Variants in RANBP2 observed in about 807,000 individuals in gnomAD.
The protein encoded by RANBP2 is RAN binding protein 2, also known as E3 SUMO-protein ligase RanBP2.
RANBP2 carries 57 observed loss-of-function variants against 303.6 expected under a neutral mutation model. The ratio of observed to expected loss-of-function variants is 0.19; its 90% CI spans 0.15 to 0.23. The LOEUF (loss-of-function observed/expected upper bound fraction) is 0.23. Among genes scored for constraint, RANBP2 ranks in the 10% least tolerant of loss-of-function variants. The probability of loss-of-function intolerance (pLI) is 1.00; values close to 1 mark genes in which losing one functional copy is unlikely to be tolerated. For missense variants in RANBP2, 3,138 were observed against 3,780.8 expected, an observed-to-expected ratio of 0.83 and a Z score of 4.46; for synonymous variants, 1,167 against 1,301.5, an observed-to-expected ratio of 0.90 and a Z score of 2.23.
At chr2:108,977,951 C>T in the RANBP2 span, among the ~76,000 whole-genome samples, 1 of 152,246 alleles carries the variant, frequency 6.6e-6, no homozygotes, top group Non-Finnish European at 1.5e-5. Flanking sequence ...GATCTATGGA[C>T]TCTGTGGATG....
the RANBP2 span, among the ~76,000 whole-genome samples, chr2:108,869,748 G>A: frequency 6.6e-6 from 1 of 152,108 alleles, no homozygotes; most frequent in Non-Finnish European, 1.5e-5. Flanking sequence ...GACAAGACCT[G>A]AGATGACCTT....
At chr2:109,313,791 G>T in the RANBP2 span, among the ~76,000 whole-genome samples, 2 of 152,256 alleles carry the variant, frequency 1.3e-5, no homozygotes, top group Non-Finnish European at 2.9e-5. Flanking sequence ...GGCAGCTGTG[G>T]CAGCATGAGT....
chr2:109,490,574 T>C, the RANBP2 span: 1 of 1,400,004 alleles, frequency 7.1e-7, no homozygotes, highest in East Asian at 2.6e-5. Flanking sequence ...AGCATTCACC[T>C]GTTTGGTTTC....
chr2:109,203,085 C>A, the RANBP2 span, among the ~76,000 whole-genome samples: 8 of 152,172 alleles, frequency 5.3e-5, no homozygotes, highest in Admixed American at 5.2e-4. Flanking sequence ...CTCCGTCGAG[C>A]CTGGAACACT....
chr2:109,356,603 TC>T, the RANBP2 span, among the ~76,000 whole-genome samples: 1 of 152,196 alleles, frequency 6.6e-6, no homozygotes, highest in East Asian at 1.9e-4. Flanking sequence ...CAAAGGCCCA[TC>T]CCAGGGCTTG....
the RANBP2 span, among the ~76,000 whole-genome samples, chr2:109,272,793 C>A: frequency 6.6e-6 from 1 of 152,180 alleles, no homozygotes; most frequent in Non-Finnish European, 1.5e-5. Flanking sequence ...TTAAACAGCC[C>A]CCGGTACTGC....
the RANBP2 span, among the ~76,000 whole-genome samples, chr2:109,682,783 A>T: frequency 0.29 from 43,859 of 151,894 alleles, 7,644 homozygotes; most frequent in Admixed American, 0.38. Flanking sequence ...TATTATTTAT[A>T]TATATGTATC....
chr2:109,622,797 C>T, the RANBP2 span, among the ~76,000 whole-genome samples: 1 of 152,162 alleles, frequency 6.6e-6, no homozygotes, highest in Non-Finnish European at 1.5e-5. Context: ...TCGTACTATA[C>T]ATTTATAAAT....
the RANBP2 span, among the ~76,000 whole-genome samples, chr2:109,716,593 C>A: frequency 2.6e-5 from 4 of 152,144 alleles, no homozygotes; most frequent in African/African-American, 9.7e-5. Flanking sequence ...GTTGCCCAGG[C>A]TGAAGTGCAG....
the RANBP2 span, among the ~76,000 whole-genome samples, chr2:109,686,740 T>C: frequency 6.6e-6 from 1 of 152,044 alleles, no homozygotes; most frequent in Admixed American, 6.6e-5. Context: ...GCCTCCTGAG[T>C]AGCTGGGACC....
chr2:109,570,527 G>GT, the RANBP2 span, among the ~76,000 whole-genome samples: 53,937 of 147,048 alleles, frequency 0.37, 10,914 homozygotes, highest in Middle Eastern at 0.57. Context: ...ATTGTATCAG[G>GT]TTTTTTTTTT....
the RANBP2 span, among the ~76,000 whole-genome samples, chr2:109,073,961 C>A: frequency 8.0e-5 from 12 of 150,560 alleles, no homozygotes; most frequent in African/African-American, 2.9e-4. Context: ...CAAAGCCTAT[C>A]AATGCAAAAC....
chr2:108,963,518 C>T, the RANBP2 span, among the ~76,000 whole-genome samples: 3 of 152,170 alleles, frequency 2.0e-5, no homozygotes, highest in Admixed American at 2.0e-4. Context: ...CAATGTACCC[C>T]AATGGTTTCG....
At chr2:109,046,080 A>G in the RANBP2 span, among the ~76,000 whole-genome samples, 3 of 152,026 alleles carry the variant, frequency 2.0e-5, no homozygotes, top group Non-Finnish European at 4.4e-5. Context: ...CGAGGTGGGC[A>G]GATCACGAGG....
At chr2:109,398,473 A>T in the RANBP2 span, 2 of 922,198 alleles carry the variant, frequency 2.2e-6, no homozygotes, top group South Asian at 3.4e-5. Flanking sequence ...CTGCAGTCTG[A>T]CGGATTTGAA....
the RANBP2 span, among the ~76,000 whole-genome samples, chr2:109,239,997 C>T: frequency 0.017 from 2,611 of 152,308 alleles, 78 homozygotes; most frequent in African/African-American, 0.058. Context: ...GGAATGCTTG[C>T]TGGCTCATGA....
At chr2:109,739,882 G>C in the RANBP2 span, among the ~76,000 whole-genome samples, 2 of 147,908 alleles carry the variant, frequency 1.4e-5, no homozygotes, top group Non-Finnish European at 1.5e-5. Context: ...TTATTACCTT[G>C]AGGTATGTTT....
At chr2:108,962,591 C>T in the RANBP2 span, among the ~76,000 whole-genome samples, 6 of 144,618 alleles carry the variant, frequency 4.1e-5, no homozygotes, top group South Asian at 4.5e-4. Context: ...AGGAGAATGG[C>T]GTGAACCCAG....
At chr2:109,257,172 C>A in the RANBP2 span, among the ~76,000 whole-genome samples, 1 of 152,248 alleles carries the variant, frequency 6.6e-6, no homozygotes, top group African/African-American at 2.4e-5. Flanking sequence ...AAAGTGCCCA[C>A]TGGGGCAGGA....
Sources: allele counts gnomAD v4.1 joint callset (sites outside exome capture counted in the v4.1 genomes callset), GRCh38; gene constraint gnomAD v4.1.1; transcripts MANE v1.5; gene names NCBI Gene and HGNC (gene_info 2026-07-23, HGNC 2026-07-21).